Variants in CHD1L observed in about 807,000 individuals in gnomAD.
CHD1L encodes the protein ATP-dependent chromatin remodeler CHD1L.
CHD1L carries 118 observed loss-of-function variants against 115.9 expected under a neutral mutation model. That is an observed-to-expected ratio of 1.02 (90% confidence interval 0.88 to 1.19). CHD1L has a LOEUF of 1.19. Among genes scored for constraint, CHD1L ranks in the 50% most tolerant of loss-of-function variants. CHD1L has a pLI of 0.00. For missense variants in CHD1L, 1,179 were observed against 1,065.3 expected, an observed-to-expected ratio of 1.11 and a Z score of -1.49; for synonymous variants, 411 against 387.1, an observed-to-expected ratio of 1.06 and a Z score of -0.72.
chr1:147,256,640 T>C (rs1006744250), intron 5 of CHD1L, 78 bp downstream of exon 5: 136 of 1,406,380 alleles, frequency 9.7e-5, no homozygotes, highest in Non-Finnish European at 1.3e-4. Flanking sequence ...TTTTAGTACT[T>C]TGCCTCTCCT....
intron 2 of CHD1L, among the ~76,000 whole-genome samples, chr1:147,254,390 A>G (rs1669367177): frequency 1.3e-5 from 2 of 152,128 alleles, no homozygotes; most frequent in Admixed American, 1.3e-4. Context: ...GGAAGACAGT[A>G]GGGGAAGGTG....
At position 147,291,463 on chromosome 1, in the gene CHD1L, CCTTT is replaced by C; in HGVS notation, c.2321-16_2321-13del. 7 of 1,602,610 alleles carry C rather than the reference CCTTT, an allele frequency of 4.4e-6. No individual in the cohort carries two copies. Among genetic ancestry groups the C allele is most frequent in the Non-Finnish European group, 6.0e-6 (7 of 1,169,630 alleles). The stretch of plus-strand genomic sequence containing the variant: ...TGAACTTGGTGTTCTTTATGTTGCT[CCTTT>C]CTGTTTTACCTCAGACCTGAGTTTG... On this transcript the variant is annotated splice_polypyrimidine_tract_variant and intron_variant, in intron 19 of 22. Transcript: ENST00000369258.
At chr1:147,245,208 C>T (rs1040276590) in intron 1 of CHD1L, among the ~76,000 whole-genome samples, 1 of 152,200 alleles carries the variant, frequency 6.6e-6, no homozygotes, top group Non-Finnish European at 1.5e-5. Flanking sequence ...CCAGACCCCA[C>T]TGTAGTTTGG....
chr1:147,228,341 A>T, the CHD1L span, among the ~76,000 whole-genome samples: 3 of 152,112 alleles, frequency 2.0e-5, no homozygotes, highest in South Asian at 2.1e-4. Context: ...ACATGAACTC[A>T]TCATTTTTTA....
the CHD1L span, among the ~76,000 whole-genome samples, chr1:147,181,093 TA>T: frequency 6.6e-6 from 1 of 152,206 alleles, no homozygotes; most frequent in Non-Finnish European, 1.5e-5. Context: ...AATAAACAAT[TA>T]AAATCAACTA....
At chr1:147,190,199 C>T in the CHD1L span, 2 of 1,611,110 alleles carry the variant, frequency 1.2e-6, no homozygotes, top group Non-Finnish European at 1.7e-6. Context: ...TCCTCTTGAG[C>T]TTTAGATATT....
the CHD1L span, chr1:147,204,865 GAA>G: frequency 6.3e-7 from 1 of 1,598,776 alleles, no homozygotes; most frequent in East Asian, 2.2e-5. Flanking sequence ...TTCTAATTCT[GAA>G]AAGTGTTTCG....
chr1:147,173,843 A>G, the CHD1L span, among the ~76,000 whole-genome samples: 20 of 152,210 alleles, frequency 1.3e-4, no homozygotes, highest in Non-Finnish European at 2.5e-4. Context: ...CAGAGAGCAG[A>G]TCCAGATTTG....
chr1:147,228,281 C>G, the CHD1L span, among the ~76,000 whole-genome samples: 2 of 151,270 alleles, frequency 1.3e-5, no homozygotes, highest in Non-Finnish European at 2.9e-5. Flanking sequence ...GTCCTTGCAA[C>G]AGTTTGCTGA....
At chr1:147,233,745 T>C in the CHD1L span, among the ~76,000 whole-genome samples, 47 of 152,104 alleles carry the variant, frequency 3.1e-4, no homozygotes, top group African/African-American at 1.1e-3. Flanking sequence ...TTTTGTTCTG[T>C]ACTAAGAAAA....
the CHD1L span, among the ~76,000 whole-genome samples, chr1:147,183,202 A>AC: frequency 4.6e-5 from 7 of 152,322 alleles, no homozygotes; most frequent in Admixed American, 1.3e-4. Context: ...TGTCTCAAAA[A>AC]AAAAGATAAC....
Position 147,267,434 on chromosome 1 carries a change from G to GAAA in CHD1L, c.906_908dup (p.Glu302_Asn303insLys), listed in dbSNP as rs782813490. The GAAA allele has an allele frequency of 1.9e-6, 3 of 1,611,186 alleles. No homozygotes were observed. In the South Asian group the frequency reaches 3.3e-5, roughly 18 times the overall value. On this transcript the variant is annotated inframe_insertion, in exon 9 of 23. Transcript: ENST00000369258. Reference sequence around the variant, plus strand: ...TTTTTTTTAAATTTCAGATGCATTTGAAAATGAGACGGCAAAGAAAGTTAA... The same window carrying GAAA: ...TTTTTTTTAAATTTCAGATGCATTTGAAAAAAATGAGACGGCAAAGAAAGTTAA...
the CHD1L span, chr1:147,212,519 T>C: frequency 6.2e-7 from 1 of 1,612,900 alleles, no homozygotes. Flanking sequence ...AGTACTGCCC[T>C]TTGAACTTCT....
intron 7 of CHD1L, among the ~76,000 whole-genome samples, chr1:147,264,855 A>C (rs1218869312): frequency 2.0e-5 from 3 of 152,224 alleles, no homozygotes; most frequent in Non-Finnish European, 4.4e-5. Flanking sequence ...GCTGATTTGC[A>C]GACTTTTTTT....
rs1559830639 is a variant in CHD1L, at chr1:147,275,384, A to G, written c.1301A>G (p.Asp434Gly). ...GGVGMNLTAA[D>G]TVIFVDSDFN... ...GTTGGCATGAACTTAACAGCAGCAG[A>G]TACTGTGATTTTTGTTGACAGTGAC... The change falls in exon 13 of 23, where the codon GAT (aspartate) becomes GGT (glycine). Residue 434 changes from aspartate to glycine, a missense_variant. Coordinates refer to ENST00000369258, the MANE Select transcript of CHD1L (RefSeq NM_004284.6). The G allele has an allele frequency of 1.2e-6, 2 of 1,614,132 alleles. No homozygotes were observed. The highest frequency in any genetic ancestry group is 1.7e-6 in the Non-Finnish European group (2 of 1,179,976).
At chr1:147,255,996 A>C in intron 4 of CHD1L, 69 bp downstream of exon 4, 1 of 1,082,716 alleles carries the variant, frequency 9.2e-7, no homozygotes, top group South Asian at 1.6e-5. Context: ...GTCTGCTGAA[A>C]TTATATTTAA....
intron 19 of CHD1L, 43 bp from the exon 20 acceptor site, chr1:147,291,439 G>A (rs958098259): frequency 1.3e-6 from 2 of 1,502,526 alleles, no homozygotes; most frequent in South Asian, 1.1e-5. Flanking sequence ...ATTCATTAGT[G>A]AACTTGGTGT....
At chr1:147,230,970 T>C in the CHD1L span, among the ~76,000 whole-genome samples, 1 of 152,116 alleles carries the variant, frequency 6.6e-6, no homozygotes, top group African/African-American at 2.4e-5. Flanking sequence ...CCTGGATTCA[T>C]TGATTTTTTG....
the CHD1L span, chr1:147,179,069 C>G: frequency 6.2e-7 from 1 of 1,613,910 alleles, no homozygotes; most frequent in Admixed American, 1.7e-5. Context: ...TTGGAGAGCA[C>G]TGCTGGAGAG....
Sources: gnomAD v4.1 joint callset for allele counts (sites outside exome capture counted in the v4.1 genomes callset) on GRCh38, gnomAD v4.1.1 for gene constraint, MANE v1.5 for transcripts, NCBI Gene and HGNC (gene_info 2026-07-23, HGNC 2026-07-21) for gene names.